Variants in TSEN2 observed in about 807,000 individuals in gnomAD.
TSEN2 encodes the protein tRNA splicing endonuclease subunit 2.
A neutral mutation model predicts 59.2 loss-of-function variants in TSEN2; 54 were observed. The observed-to-expected ratio is 0.91, with a 90% CI of 0.73 to 1.14. The LOEUF is 1.14. TSEN2 is among the 50% of genes most tolerant of loss of function. The probability of loss-of-function intolerance (pLI) is 0.00; values close to 1 mark genes in which losing one functional copy is unlikely to be tolerated. For missense variants in TSEN2, 636 were observed against 576.2 expected (o/e 1.10, Z -1.06); for synonymous variants, 195 against 198.2 (o/e 0.98, Z 0.14).
chr3:12,535,928 G>T (rs1246083873), downstream of TSEN2, among the ~76,000 whole-genome samples: 2 of 152,160 alleles, frequency 1.3e-5, 1 homozygote, highest in Non-Finnish European at 2.9e-5. Flanking sequence ...TCCGAGCCTT[G>T]GTTTCCTCAA....
intron 6 of TSEN2, among the ~76,000 whole-genome samples, chr3:12,511,429 A>AT (rs1300797998): frequency 6.6e-6 from 1 of 152,222 alleles, no homozygotes; most frequent in African/African-American, 2.4e-5. Flanking sequence ...TGAAGAAAAG[A>AT]TTCATGGTGT....
At position 12,503,624 on chromosome 3, in the gene TSEN2, A is replaced by G. The variant is rs1337367385; in HGVS notation, c.671A>G (p.Lys224Arg). The change falls in exon 5 of 12, where the codon AAA becomes AGA. Residue 224 changes from lysine (K) to arginine (R), a missense_variant. Lys to Arg is a conservative substitution (Grantham distance 26). Transcript: ENST00000284995. ...CCTCTGCCCCATGTCTGTTGCTGCA[A>G]ACAAGATGCTCTCATCCTCCAGCGT... ...ASPLPHVCCC[K>R]QDALILQRGL... 18 of 1,594,796 alleles carry G rather than the reference A, an allele frequency of 1.1e-5. No individual in the cohort carries two copies. Among genetic ancestry groups the G allele is most frequent in the African/African-American group, 5.4e-5 (4 of 74,450 alleles).
downstream of TSEN2, among the ~76,000 whole-genome samples, chr3:12,534,066 G>A (rs2057610467): frequency 6.6e-6 from 1 of 152,118 alleles, no homozygotes; most frequent in Admixed American, 6.5e-5. Flanking sequence ...TATCTCAGCT[G>A]AAATGGCGCT....
intron 9 of TSEN2, 76 bp from the exon 10 acceptor site, chr3:12,529,686 C>T (rs2057335346): frequency 7.4e-7 from 1 of 1,360,192 alleles, no homozygotes; most frequent in East Asian, 2.3e-5. Flanking sequence ...TATATTTGTT[C>T]TTGGTAGGAC....
intron 7 of TSEN2, 108 bp downstream of exon 7, chr3:12,516,769 A>T (rs1575398998): frequency 8.7e-7 from 1 of 1,146,530 alleles, no homozygotes; most frequent in East Asian, 2.4e-5. Context: ...CTCTTACTGA[A>T]TAAAATAGGA....
upstream of TSEN2, among the ~76,000 whole-genome samples, chr3:12,483,786 A>T (rs1233118235): frequency 1.3e-5 from 2 of 152,198 alleles, no homozygotes; most frequent in Non-Finnish European, 2.9e-5. Context: ...CCTTTAAAAT[A>T]ACCAGGTCAG....
At chr3:12,524,228 C>T (rs2056898635) in intron 8 of TSEN2, among the ~76,000 whole-genome samples, 1 of 152,212 alleles carries the variant, frequency 6.6e-6, no homozygotes, top group Non-Finnish European at 1.5e-5. Flanking sequence ...ACCATGCAGG[C>T]CCCTGGCTTT....
intron 9 of TSEN2, 84 bp downstream of exon 9, chr3:12,529,008 G>C (rs2057289804): frequency 7.1e-7 from 1 of 1,400,018 alleles, no homozygotes; most frequent in East Asian, 2.3e-5. Flanking sequence ...TGGTGCCATA[G>C]GAACAAAAGT....
intron 4 of TSEN2, among the ~76,000 whole-genome samples, chr3:12,502,187 A>T (rs2054338707): frequency 6.6e-6 from 1 of 152,210 alleles, no homozygotes; most frequent in African/African-American, 2.4e-5. Flanking sequence ...TCCAATGCTA[A>T]ACAAGTTATT....
intron 10 of TSEN2, 184 bp downstream of exon 10, chr3:12,530,057 C>A (rs1484088007): frequency 4.2e-6 from 6 of 1,435,502 alleles, no homozygotes; most frequent in African/African-American, 1.4e-5. Flanking sequence ...TTGTCCTCCC[C>A]TCATGTTACA....
intron 6 of TSEN2, among the ~76,000 whole-genome samples, chr3:12,511,404 A>G (rs2125103044): frequency 6.6e-6 from 1 of 152,318 alleles, no homozygotes; most frequent in South Asian, 2.1e-4. Flanking sequence ...CAATAAAAAT[A>G]GCACTTAATA....
chr3:12,501,958 C>T (rs1327955745), intron 4 of TSEN2, among the ~76,000 whole-genome samples: 1 of 152,138 alleles, frequency 6.6e-6, no homozygotes, highest in African/African-American at 2.4e-5. Context: ...TTTTTTGTAA[C>T]TTGGGAAGTG....
intron 2 of TSEN2, 114 bp from the exon 3 acceptor site, chr3:12,492,022 C>G (rs1297392698): frequency 2.3e-6 from 2 of 860,454 alleles, no homozygotes; most frequent in Admixed American, 1.9e-5. Flanking sequence ...TGGTATCCAC[C>G]AGAGGTCCTG....
At chr3:12,537,787 C>T (rs996691208), downstream of TSEN2, among the ~76,000 whole-genome samples, 2 of 152,112 alleles carry the variant, frequency 1.3e-5, no homozygotes, top group African/African-American at 4.8e-5. Context: ...ATGTTAAGAC[C>T]CACCTCAGAG....
intron 1 of TSEN2, 97 bp from the exon 2 acceptor site, chr3:12,489,687 C>G: frequency 1.0e-6 from 1 of 999,476 alleles, no homozygotes; most frequent in Non-Finnish European, 1.5e-6. Flanking sequence ...CCACAGACCA[C>G]TAAGTTTTCT....
At chr3:12,536,676 A>C (rs1202709380), downstream of TSEN2, among the ~76,000 whole-genome samples, 1 of 152,138 alleles carries the variant, frequency 6.6e-6, no homozygotes, top group African/African-American at 2.4e-5. Context: ...TATTAGGGGC[A>C]AAACCTATAG....
chr3:12,529,534 A>G (rs985159926), intron 9 of TSEN2, among the ~76,000 whole-genome samples: 11 of 151,956 alleles, frequency 7.2e-5, no homozygotes, highest in Admixed American at 3.3e-4. Flanking sequence ...CAGCTTTCAC[A>G]TTGGGAAAAG....
intron 9 of TSEN2, among the ~76,000 whole-genome samples, chr3:12,529,205 G>C (rs1360287785): frequency 6.6e-6 from 1 of 152,106 alleles, no homozygotes. Context: ...GGTGGCTCAC[G>C]CCTGTAATCC....
At chr3:12,520,924 C>T (rs2056587793) in intron 8 of TSEN2, among the ~76,000 whole-genome samples, 1 of 152,086 alleles carries the variant, frequency 6.6e-6, no homozygotes, top group Non-Finnish European at 1.5e-5. Flanking sequence ...CTTTTCTGCT[C>T]CTCTCCCTCC....
Sources: allele counts gnomAD v4.1 joint callset (sites outside exome capture counted in the v4.1 genomes callset), GRCh38; gene constraint gnomAD v4.1.1; transcripts MANE v1.5; gene names NCBI Gene and HGNC (gene_info 2026-07-23, HGNC 2026-07-21).